Variants in VPS53 observed in about 807,000 individuals in gnomAD.
VPS53 encodes the protein VPS53 subunit of GARP complex, also known as vacuolar protein sorting-associated protein 53 homolog.
Under a neutral mutation model 107.0 loss-of-function variants are expected in VPS53, and 70 were observed. The observed-to-expected ratio is 0.65, with a 90% CI of 0.54 to 0.80. The LOEUF is 0.80. Ranked by LOEUF, VPS53 falls within the 30% of genes least tolerant of loss-of-function variation. The pLI is 0.00. For synonymous variants in VPS53, 409 were observed against 393.3 expected, an observed-to-expected ratio of 1.04 and a Z score of -0.47; for missense variants, 917 against 1,049.4, an observed-to-expected ratio of 0.87 and a Z score of 1.74.
chr17:654,885 G>A (rs941745101), intron 6 of VPS53, among the ~76,000 whole-genome samples: 18 of 152,204 alleles, frequency 1.2e-4, no homozygotes, highest in Admixed American at 9.8e-4. Context: ...GGTGGACACC[G>A]ACCACCCCAC....
intron 7 of VPS53, among the ~76,000 whole-genome samples, chr17:638,601 G>C (rs1330410592): frequency 6.6e-6 from 1 of 152,048 alleles, no homozygotes; most frequent in Non-Finnish European, 1.5e-5. Flanking sequence ...GCTCTTGTAG[G>C]GCAGGCCTGG....
chr17:549,607 T>C (rs549789734), intron 17 of VPS53, among the ~76,000 whole-genome samples: 148 of 152,262 alleles, frequency 9.7e-4, no homozygotes, highest in Non-Finnish European at 1.2e-3. Flanking sequence ...CCACTCTTCC[T>C]TTGGTGAATG....
At chr17:608,620 TTC>T (rs1210466137) in intron 11 of VPS53, among the ~76,000 whole-genome samples, 12 of 147,080 alleles carry the variant, frequency 8.2e-5, no homozygotes, top group Admixed American at 6.7e-5. Flanking sequence ...TTCTTTTCTT[TTC>T]TTTTTTTTTT....
At chr17:577,069 C>G (rs1028037982) in intron 13 of VPS53, among the ~76,000 whole-genome samples, 10 of 151,290 alleles carry the variant, frequency 6.6e-5, no homozygotes, top group Non-Finnish European at 1.5e-4. Context: ...TCTCAGAGAA[C>G]CTAAAGCATT....
chr17:671,002 A>G (rs1225862671), intron 4 of VPS53, among the ~76,000 whole-genome samples: 1 of 152,124 alleles, frequency 6.6e-6, no homozygotes, highest in Non-Finnish European at 1.5e-5. Flanking sequence ...AGGCCGAGGC[A>G]GGCAAATCAC....
At chr17:633,875 C>T (rs1470228796) in intron 7 of VPS53, among the ~76,000 whole-genome samples, 1 of 152,244 alleles carries the variant, frequency 6.6e-6, no homozygotes, top group Admixed American at 6.5e-5. Context: ...AGGCAGCACA[C>T]AGCCTGCTGT....
At chr17:542,465 A>G (rs1910773039) in intron 17 of VPS53, among the ~76,000 whole-genome samples, 1 of 152,198 alleles carries the variant, frequency 6.6e-6, no homozygotes, top group African/African-American at 2.4e-5. Context: ...TGATGGTAAC[A>G]TCTATAATCT....
At chr17:556,202 C>T (rs1020457519) in intron 15 of VPS53, among the ~76,000 whole-genome samples, 6 of 152,100 alleles carry the variant, frequency 3.9e-5, no homozygotes, top group Non-Finnish European at 7.3e-5. Context: ...AGGGTAGGAT[C>T]GCTTTCGTTC....
chr17:571,075 T>C (rs961488588), intron 13 of VPS53, among the ~76,000 whole-genome samples: 11 of 152,022 alleles, frequency 7.2e-5, no homozygotes, highest in African/African-American at 2.4e-4. Context: ...TCTCAACACT[T>C]TGGGAGGCCA....
chr17:661,604 G>C (rs998488424), intron 5 of VPS53, among the ~76,000 whole-genome samples: 1 of 152,018 alleles, frequency 6.6e-6, no homozygotes, highest in Non-Finnish European at 1.5e-5. Flanking sequence ...GCAAACACAG[G>C]GCAGCAGAGA....
intron 17 of VPS53, among the ~76,000 whole-genome samples, chr17:547,433 A>G (rs574938236): frequency 3.9e-4 from 60 of 152,278 alleles, no homozygotes; most frequent in African/African-American, 1.4e-3. Flanking sequence ...AAGATGTCCC[A>G]CATGCCATAT....
chr17:630,301 A>G (rs967979250), intron 8 of VPS53, among the ~76,000 whole-genome samples: 2 of 149,522 alleles, frequency 1.3e-5, no homozygotes, highest in Non-Finnish European at 2.9e-5. Context: ...AAAAAAAAAC[A>G]AACAAACAAA....
chr17:560,432 G>T lies in VPS53; in HGVS notation c.1698C>A (p.Thr566=), dbSNP rs1391208588. The T allele has an allele frequency of 1.2e-6, 2 of 1,610,518 alleles. No individual in the cohort carries two copies. Among genetic ancestry groups the T allele is most frequent in the Non-Finnish European group, 1.7e-6 (2 of 1,178,936 alleles). The change falls in exon 15 of 22, where the codon ACC becomes ACA. Residue 566 remains threonine (T), a synonymous_variant. Transcript: ENST00000437048. ...GGCAGCCAGGATGGCTCACCTGCTG[G>T]GTGGTGGCCAGACAGTACTCTGCCG... The part of the protein sequence containing the change: ...LSTAEYCLAT[T]QQLEEKLKEK...
In VPS53 at chr17:629,809, C is replaced by CCACA. The variant is rs61004817; in HGVS notation, c.688-1582_688-1579dup. Among the ~76,000 whole-genome samples the CCACA allele has an allele frequency of 1.9e-3, 270 of 140,790 alleles. 2 individuals are homozygous for CCACA. Among genetic ancestry groups the CCACA allele is most frequent in the African/African-American group, 6.7e-3 (254 of 37,808 alleles). The allele number at this position is 140,790 out of a possible 152,430, so 92.4% of individuals were successfully genotyped here. A position where few individuals can be genotyped will look rare whatever the true frequency, so the allele number is the denominator to read the frequency against. ...AACTAAAAACAAAACAAAAAAAAAACCACACACACACACACACACACACAC... is the reference window on the plus strand; with the variant it reads ...AACTAAAAACAAAACAAAAAAAAAACCACACACACACACACACACACACACACAC... On this transcript the variant is annotated intron_variant, in intron 8 of 21. Transcript: ENST00000437048.
chr17:586,696 T>A (rs1967336677), intron 12 of VPS53, among the ~76,000 whole-genome samples: 1 of 152,244 alleles, frequency 6.6e-6, no homozygotes. Flanking sequence ...TACACAGTGC[T>A]TTAGAATTTA....
intron 1 of VPS53, among the ~76,000 whole-genome samples, chr17:712,866 C>A (rs1369154143): frequency 1.3e-5 from 2 of 152,132 alleles, no homozygotes; most frequent in African/African-American, 2.4e-5. Flanking sequence ...CTGCATTATT[C>A]TTTTCTTCCA....
At chr17:576,705 C>A (rs1914642897) in intron 13 of VPS53, among the ~76,000 whole-genome samples, 1 of 151,946 alleles carries the variant, frequency 6.6e-6, no homozygotes, top group African/African-American at 2.4e-5. Flanking sequence ...GAGAACCTCC[C>A]TCAGGACCTC....
intron 7 of VPS53, among the ~76,000 whole-genome samples, chr17:646,349 G>C (rs111346613): frequency 2.6e-5 from 3 of 114,664 alleles, no homozygotes. Context: ...TCCATACTAC[G>C]GACTGGAGAT....
chr17:673,277 C>A (rs16954373), intron 4 of VPS53, among the ~76,000 whole-genome samples: 4,014 of 152,266 alleles, frequency 0.026, 66 homozygotes, highest in East Asian at 0.07. Flanking sequence ...AGGGTCAAGT[C>A]GCCTCTCTTT....
Sources: allele counts gnomAD v4.1 joint callset (sites outside exome capture counted in the v4.1 genomes callset), GRCh38; gene constraint gnomAD v4.1.1; transcripts MANE v1.5; gene names NCBI Gene and HGNC (gene_info 2026-07-23, HGNC 2026-07-21).